Variants in LRP1B observed in about 807,000 individuals in gnomAD.
The protein encoded by LRP1B is LDL receptor related protein 1B, also known as low-density lipoprotein receptor-related protein 1B.
A neutral mutation model predicts 556.6 loss-of-function variants in LRP1B; 217 were observed. The observed-to-expected ratio is 0.39, with a 90% CI of 0.35 to 0.44. The LOEUF is 0.44. Among genes scored for constraint, LRP1B ranks in the 20% least tolerant of loss-of-function variants. LRP1B has a pLI of 1.00. For missense variants in LRP1B, 5,053 were observed against 5,620.8 expected (o/e 0.90, Z 3.23); for synonymous variants, 2,047 against 1,865.8 (o/e 1.10, Z -2.50).
chr2:140,289,404 C>G (rs547614787), intron 84 of LRP1B, among the ~76,000 whole-genome samples: 2 of 151,890 alleles, frequency 1.3e-5, no homozygotes, highest in Non-Finnish European at 2.9e-5. Flanking sequence ...TGATAAATCC[C>G]CAATGCCTAG....
At chr2:140,511,290 G>GTTTT (rs1178038693) in intron 51 of LRP1B, among the ~76,000 whole-genome samples, 2 of 82,618 alleles carry the variant, frequency 2.4e-5, no homozygotes, top group African/African-American at 1.2e-4. Flanking sequence ...TCCTCTAAGG[G>GTTTT]TCTTTTTTTT....
chr2:141,278,442 C>G (rs529208296), intron 3 of LRP1B, among the ~76,000 whole-genome samples: 2 of 152,094 alleles, frequency 1.3e-5, no homozygotes, highest in South Asian at 4.1e-4. Context: ...ACGTTAGAAA[C>G]CTGTTCACTT....
intron 2 of LRP1B, among the ~76,000 whole-genome samples, chr2:141,774,502 A>G (rs2105622787): frequency 6.6e-6 from 1 of 152,256 alleles, no homozygotes; most frequent in African/African-American, 2.4e-5. Flanking sequence ...CCATGATTCC[A>G]TCACCTCCTA....
chr2:141,297,860 C>A (rs997359479), intron 3 of LRP1B, among the ~76,000 whole-genome samples: 7 of 152,022 alleles, frequency 4.6e-5, no homozygotes, highest in Non-Finnish European at 8.8e-5. Flanking sequence ...TGTACAGTAT[C>A]CAGTATAATA....
intron 31 of LRP1B, among the ~76,000 whole-genome samples, chr2:140,814,469 G>T (rs1233603277): frequency 6.6e-6 from 1 of 152,062 alleles, no homozygotes. Flanking sequence ...AGATATTTTT[G>T]AAAGTTTCTG....
chr2:140,559,491 A>G (rs1680853496), intron 43 of LRP1B, among the ~76,000 whole-genome samples: 1 of 152,154 alleles, frequency 6.6e-6, no homozygotes, highest in African/African-American at 2.4e-5. Context: ...AAATTAAATC[A>G]ACTGCAGATT....
At chr2:141,303,487 C>T (rs72856405) in intron 3 of LRP1B, among the ~76,000 whole-genome samples, 2 of 152,236 alleles carry the variant, frequency 1.3e-5, no homozygotes, top group African/African-American at 2.4e-5. Flanking sequence ...TACTTTCTGC[C>T]TCCATGAAAT....
At chr2:141,890,082 A>C (rs1699237633) in intron 1 of LRP1B, among the ~76,000 whole-genome samples, 1 of 150,976 alleles carries the variant, frequency 6.6e-6, no homozygotes, top group Non-Finnish European at 1.5e-5. Context: ...TGTCCCCTTA[A>C]TCTGGCTAAT....
At chr2:141,881,263 C>A (rs924856053) in intron 1 of LRP1B, among the ~76,000 whole-genome samples, 2 of 152,120 alleles carry the variant, frequency 1.3e-5, no homozygotes, top group East Asian at 3.9e-4. Flanking sequence ...AAGTATGCAG[C>A]AAATAAATGT....
intron 7 of LRP1B, among the ~76,000 whole-genome samples, chr2:141,088,839 G>C (rs1700108015): frequency 6.6e-6 from 1 of 152,138 alleles, no homozygotes; most frequent in Non-Finnish European, 1.5e-5. Flanking sequence ...AGGATATTAT[G>C]TTTTGCCTTT....
At chr2:140,578,470 C>T (rs76577512) in intron 43 of LRP1B, among the ~76,000 whole-genome samples, 5,155 of 152,256 alleles carry the variant, frequency 0.034, 285 homozygotes, top group African/African-American at 0.12. Flanking sequence ...TCTCCTCCAG[C>T]CACCCTGGCC....
intron 18 of LRP1B, among the ~76,000 whole-genome samples, chr2:140,955,895 A>AT: frequency 6.6e-6 from 1 of 151,630 alleles, no homozygotes; most frequent in East Asian, 1.9e-4. Context: ...CCAAAATAAT[A>AT]TTTTTAAGTA....
At chr2:140,421,901 A>G (rs955117118) in intron 66 of LRP1B, among the ~76,000 whole-genome samples, 5 of 152,060 alleles carry the variant, frequency 3.3e-5, no homozygotes, top group African/African-American at 1.2e-4. Context: ...CTGCCACATC[A>G]CCCTTTCCAT....
intron 3 of LRP1B, among the ~76,000 whole-genome samples, chr2:141,340,867 A>C (rs192350008): frequency 6.6e-6 from 1 of 152,316 alleles, no homozygotes; most frequent in Non-Finnish European, 1.5e-5. Context: ...AACAAAAAAC[A>C]ATCAGGAACT....
intron 2 of LRP1B, among the ~76,000 whole-genome samples, chr2:141,672,091 A>AAGG (rs77128863): frequency 0.036 from 5,410 of 152,276 alleles, 135 homozygotes; most frequent in Non-Finnish European, 0.054. Flanking sequence ...TATACTGAGC[A>AAGG]AGGACCTAAC....
In LRP1B at chr2:141,843,301, G is replaced by C. The variant is rs558950855; in HGVS notation, c.83-32900C>G. Among the ~76,000 whole-genome samples, 12 of 152,246 alleles carry C rather than the reference G, an allele frequency of 7.9e-5. No individual in the cohort carries two copies. In the South Asian group the frequency reaches 1.9e-3, roughly 24 times the overall value. On this transcript the variant is annotated intron_variant, in intron 1 of 90. Coordinates refer to ENST00000389484, the MANE Select transcript of LRP1B (RefSeq NM_018557.3). Reference sequence around the variant, plus strand: ...AAGCATTTAACACATTGGGAAGTTAGGGGTTGGTTACATATAATCCATCAT... The same window carrying C: ...AAGCATTTAACACATTGGGAAGTTACGGGTTGGTTACATATAATCCATCAT...
At chr2:141,094,016 C>T (rs189803405) in intron 7 of LRP1B, among the ~76,000 whole-genome samples, 1 of 152,040 alleles carries the variant, frequency 6.6e-6, no homozygotes, top group Admixed American at 6.5e-5. Context: ...CATGCCCAGC[C>T]AATTTATTAT....
chr2:141,791,882 T>G (rs1695625889), intron 2 of LRP1B, among the ~76,000 whole-genome samples: 1 of 152,042 alleles, frequency 6.6e-6, no homozygotes, highest in Admixed American at 6.6e-5. Context: ...AGCTAGTCAG[T>G]AGATCATGGC....
intron 1 of LRP1B, among the ~76,000 whole-genome samples, chr2:141,940,813 G>T (rs1700774969): frequency 6.6e-6 from 1 of 152,130 alleles, no homozygotes; most frequent in Admixed American, 6.6e-5. Context: ...AAGAGACAAA[G>T]AATTTAAGAA....
Sources: allele counts gnomAD v4.1 joint callset (sites outside exome capture counted in the v4.1 genomes callset), GRCh38; gene constraint gnomAD v4.1.1; transcripts MANE v1.5; gene names NCBI Gene and HGNC (gene_info 2026-07-23, HGNC 2026-07-21).